The following GK variants were observed in gnomAD, a reference collection of about 807,000 sequenced individuals.
The protein encoded by GK is glycerol kinase.
GK carries 9 observed loss-of-function variants against 56.4 expected under a neutral mutation model. The ratio of observed to expected loss-of-function variants is 0.16; its 90% CI spans 0.10 to 0.28. The LOEUF is 0.28. GK is among the 10% of genes least tolerant of loss of function. GK has a pLI of 1.00. For missense variants in GK, 161 were observed against 431.4 expected (o/e 0.37, Z 5.55); for synonymous variants, 104 against 144.1 (o/e 0.72, Z 1.99).
chrX:30,695,159 A>G (rs1333903034), intron 6 of GK: 2 of 864,473 alleles, frequency 2.3e-6, no homozygotes, highest in Non-Finnish European at 3.0e-6. Flanking sequence ...CTTTTTTAAC[A>G]TTCAAGGGAA....
chrX:30,668,960 G>A (rs1933272725), intron 3 of GK, among the ~76,000 whole-genome samples: 1 of 110,721 alleles, frequency 9.0e-6, no homozygotes, highest in African/African-American at 3.3e-5. Flanking sequence ...AACAGAGAGA[G>A]TAGTGGGGTT....
intron 20 of GK, among the ~76,000 whole-genome samples, chrX:30,728,430 A>G (rs745754934): frequency 8.9e-6 from 1 of 112,001 alleles, no homozygotes; most frequent in South Asian, 3.7e-4. Flanking sequence ...AAGATGGGCT[A>G]TGTGTCTAGA....
chrX:30,707,921 GT>G, intron 12 of GK, 132 bp from the exon 13 acceptor site: 1 of 479,354 alleles, frequency 2.1e-6, no homozygotes, highest in South Asian at 3.2e-5. Context: ...CGTTTTGACT[GT>G]AAGGATTTAT....
chrX:30,658,422 TCTC>T (rs1932465822), intron 1 of GK, among the ~76,000 whole-genome samples: 1 of 111,394 alleles, frequency 9.0e-6, no homozygotes, highest in African/African-American at 3.3e-5. Context: ...TTCAAGCAAT[TCTC>T]CTGCCTCAGC....
At chrX:30,668,295 A>T (rs887142405) in intron 3 of GK, among the ~76,000 whole-genome samples, 177 bp downstream of exon 3, 2 of 112,635 alleles carry the variant, frequency 1.8e-5, no homozygotes, top group African/African-American at 6.4e-5. Flanking sequence ...TTTTATTTGG[A>T]TGGGGGCGAG....
At chrX:30,671,030 G>A (rs373466789) in intron 3 of GK, among the ~76,000 whole-genome samples, 11 of 105,911 alleles carry the variant, frequency 1.0e-4, no homozygotes, top group Admixed American at 9.3e-4. Context: ...TGGCTCACGC[G>A]TGTAATCCCA....
intron 1 of GK, among the ~76,000 whole-genome samples, chrX:30,658,379 G>A (rs189758436): frequency 7.2e-5 from 8 of 110,397 alleles, no homozygotes; most frequent in Middle Eastern, 4.7e-3. Flanking sequence ...GCAGTGGCAC[G>A]ATCTCAGCTC....
intron 13 of GK, among the ~76,000 whole-genome samples, chrX:30,713,234 C>T (rs1287630538): frequency 9.0e-6 from 1 of 111,386 alleles, no homozygotes; most frequent in Non-Finnish European, 1.9e-5. Context: ...TTGCGCAAAA[C>T]ATTTTGGACC....
intron 13 of GK, among the ~76,000 whole-genome samples, chrX:30,713,044 T>C (rs1458472891): frequency 7.2e-5 from 8 of 111,870 alleles, no homozygotes; most frequent in Admixed American, 1.9e-4. Flanking sequence ...TTGTTGGATT[T>C]CTTAATACAA....
At chrX:30,713,064 G>C (rs777393951) in intron 13 of GK, among the ~76,000 whole-genome samples, 1 of 111,330 alleles carries the variant, frequency 9.0e-6, no homozygotes, top group Non-Finnish European at 1.9e-5. Context: ...AGATTTCTTC[G>C]TATAGTTTAG....
Position 30,727,491 on chromosome X carries a change from G to A in GK, c.1608G>A (p.Leu536=). ...GTGACCCTAGTATCTTCTGTAGTCT[G>A]CCCTTGGGCTTTTTTATAGTGAGTA... ...ESGDPSIFCS[L]PLGFFIVSSM... Residue 536 remains leucine, a synonymous_variant, in exon 20 of 21, where the codon CTG becomes CTA. Coordinates refer to ENST00000427190, the MANE Select transcript of GK (RefSeq NM_001205019.2). 2 of 1,192,233 alleles carry A rather than the reference G, an allele frequency of 1.7e-6. No homozygotes were observed. The highest frequency in any genetic ancestry group is 1.7e-5 in the African/African-American group (1 of 57,291).
At chrX:30,692,442 G>T in intron 5 of GK, among the ~76,000 whole-genome samples, 1 of 111,348 alleles carries the variant, frequency 9.0e-6, no homozygotes, top group South Asian at 3.8e-4. Context: ...GATGACCCTT[G>T]TTCCTTCAAA....
chrX:30,694,972 C>T (rs1386960356), intron 6 of GK: 1 of 251,886 alleles, frequency 4.0e-6, no homozygotes, highest in Non-Finnish European at 7.3e-6. Context: ...GAAACTAAAT[C>T]ATAGTGGAAA....
chrX:30,655,754 A>G (rs1423296692), intron 1 of GK, among the ~76,000 whole-genome samples: 4 of 111,673 alleles, frequency 3.6e-5, no homozygotes, highest in Non-Finnish European at 7.5e-5. Context: ...TATTCACTAC[A>G]GGTTGTTCTT....
At chrX:30,685,086 C>T (rs1464977307) in intron 4 of GK, among the ~76,000 whole-genome samples, 1 of 111,907 alleles carries the variant, frequency 8.9e-6, no homozygotes, top group Non-Finnish European at 1.9e-5. Context: ...CCACCTAAAA[C>T]GCCTAAGCAC....
chrX:30,730,806 A>G lies in GK; in HGVS notation c.*2064A>G, dbSNP rs1229104020. ...CTATCTCTACTAAAAAAAAAAAAAG[A>G]TGTTTCAGGACATGTGAAACTTGGC... On this transcript the variant is annotated 3_prime_UTR_variant, in exon 21 of 21. Coordinates refer to ENST00000427190, the MANE Select transcript of GK (RefSeq NM_001205019.2). 9.0e-6 allele frequency: 1 copy of G among 110,811 alleles called. No homozygotes were observed. Among genetic ancestry groups the G allele is most frequent in the Non-Finnish European group, 1.9e-5 (1 of 52,866 alleles). The allele number at this position is 110,811 out of a possible 1,213,427, so 9.1% of individuals were successfully genotyped here. A position where few individuals can be genotyped will look rare whatever the true frequency, so the allele number is the denominator to read the frequency against.
intron 4 of GK, among the ~76,000 whole-genome samples, chrX:30,679,126 T>C (rs1167935371): frequency 2.7e-5 from 3 of 111,152 alleles, no homozygotes; most frequent in Non-Finnish European, 5.7e-5. Context: ...GTTAGCTAAC[T>C]TCCTGAACTA....
At chrX:30,723,788 A>G in intron 18 of GK, 1 of 283,002 alleles carries the variant, frequency 3.5e-6, no homozygotes, top group Non-Finnish European at 6.4e-6. Context: ...CACATTGCTC[A>G]AGCTGGTCTC....
At chrX:30,664,161 GATATATAGATATATATATATCTT>G (rs1932914285) in intron 1 of GK, among the ~76,000 whole-genome samples, 1 of 84,312 alleles carries the variant, frequency 1.2e-5, no homozygotes, top group African/African-American at 4.5e-5. Flanking sequence ...ATTTTATATA[GATATATAGATATATATATATCTT>G]ATATATATAT....
Sources: allele counts gnomAD v4.1 joint callset (sites outside exome capture counted in the v4.1 genomes callset), GRCh38; gene constraint gnomAD v4.1.1; transcripts MANE v1.5; gene names NCBI Gene and HGNC (gene_info 2026-07-23, HGNC 2026-07-21).